RWDD3: variants seen among roughly 807,000 people sequenced by gnomAD.
RWDD3 encodes the protein RWD domain containing 3.
RWDD3 carries 30 observed loss-of-function variants against 26.5 expected under a neutral mutation model. That is an observed-to-expected ratio of 1.13 (90% CI 0.85 to 1.54). The LOEUF (loss-of-function observed/expected upper bound fraction) is 1.54, where lower values mean the gene tolerates loss of function less well. RWDD3 is among the 40% of genes most tolerant of loss of function. The probability of loss-of-function intolerance (pLI) is 0.00; values close to 1 mark genes in which losing one functional copy is unlikely to be tolerated. For missense variants in RWDD3, 296 were observed against 309.1 expected, an observed-to-expected ratio of 0.96 and a Z score of 0.32; for synonymous variants, 113 against 114.5, an observed-to-expected ratio of 0.99 and a Z score of 0.09.
Position 95,244,763 on chromosome 1 carries a change from A to T in RWDD3, c.573+65A>T, listed in dbSNP as rs200549276. 136 of 1,525,754 alleles carry T rather than the reference A, an allele frequency of 8.9e-5. No individual in the cohort carries two copies. In the East Asian group the frequency reaches 3.0e-3, roughly 34 times the overall value. 94.5% of individuals were successfully genotyped at this position (1,525,754 alleles called of 1,614,324 possible). A position where few individuals can be genotyped will look rare whatever the true frequency, so the allele number is the denominator to read the frequency against. On this transcript the variant is annotated intron_variant, in intron 2 of 3. Coordinates refer to ENST00000370202, the MANE Select transcript of RWDD3 (RefSeq NM_015485.5). The stretch of plus-strand genomic sequence containing the variant: ...TTCTGCTTTAAATGGTGTGTCTTTA[A>T]GTGTGTTTTATAACAATGGGATAGA...
chr1:95,234,264 C>T lies in RWDD3; in HGVS notation c.34C>T (p.Leu12=). ...AEPVQEELSV[L]AAIFCRPHEW... The stretch of plus-strand genomic sequence containing the variant: ...GCCTGTGCAGGAGGAGCTCTCGGTC[C>T]TGGCCGCGATTTTCTGCAGGCCCCA... The change falls in exon 1 of 4, where the codon CTG becomes TTG. Residue 12 remains leucine, a synonymous_variant. Transcript: ENST00000370202. 6.3e-7 allele frequency: 1 copy of T among 1,598,496 alleles called. No individual in the cohort carries two copies. The highest frequency in any genetic ancestry group is 8.5e-7 in the Non-Finnish European group (1 of 1,173,072).
Position 95,247,058 on chromosome 1 carries a change from A to G in RWDD3, c.*188A>G. The G allele has an allele frequency of 7.7e-6, 3 of 389,700 alleles. No individual in the cohort carries two copies. Among genetic ancestry groups the G allele is most frequent in the South Asian group, 1.5e-4 (2 of 13,156 alleles). 24.1% of individuals were successfully genotyped at this position (389,700 alleles called of 1,614,324 possible). A position where few individuals can be genotyped will look rare whatever the true frequency, so the allele number is the denominator to read the frequency against. ...AATATTAAACATGAAGAAAACTTGT[A>G]TATTCTAATGTTTGCCAGGAAAGGC... On this transcript the variant is annotated 3_prime_UTR_variant, in exon 4 of 4. Transcript: ENST00000370202.
chr1:95,238,129 G>A (rs948177429), intron 1 of RWDD3, among the ~76,000 whole-genome samples: 11 of 152,212 alleles, frequency 7.2e-5, no homozygotes, highest in Non-Finnish European at 1.0e-4. Context: ...GTCAATGTTC[G>A]TTATATGTGG....
chr1:95,239,993 T>G, intron 1 of RWDD3: 1 of 1,218,574 alleles, frequency 8.2e-7, no homozygotes, highest in South Asian at 1.3e-5. Context: ...GTTTGCAGCA[T>G]AGCATCTTGC....
In RWDD3 at chr1:95,244,709, G is replaced by A. The variant is rs1167032568; in HGVS notation, c.573+11G>A. 2.5e-5 allele frequency: 41 copies of A among 1,608,476 alleles called. No homozygotes were observed. Among genetic ancestry groups the A allele is most frequent in the Non-Finnish European group, 3.2e-5 (38 of 1,177,716 alleles). On this transcript the variant is annotated intron_variant, in intron 2 of 3. Transcript: ENST00000370202. Reference sequence around the variant, plus strand: ...AGAAACAACCTCAAGGTGCCAAAAAGTTAAATGTTGAGTATGAATCTGGCT... The same window carrying A: ...AGAAACAACCTCAAGGTGCCAAAAAATTAAATGTTGAGTATGAATCTGGCT...
At chr1:95,235,351 CTT>C (rs1166711835) in intron 1 of RWDD3, among the ~76,000 whole-genome samples, 70 of 41,346 alleles carry the variant, frequency 1.7e-3, no homozygotes, top group South Asian at 5.8e-3. Flanking sequence ...TGCGCCCGGC[CTT>C]TTTTTTTTTT....
chr1:95,234,670 T>C (rs1416790927), intron 1 of RWDD3, among the ~76,000 whole-genome samples: 1 of 150,892 alleles, frequency 6.6e-6, no homozygotes, highest in Non-Finnish European at 1.5e-5. Context: ...CGTTGTTCTG[T>C]GTCCTTCCTA....
intron 1 of RWDD3, among the ~76,000 whole-genome samples, chr1:95,240,688 A>C (rs189853721): frequency 2.6e-5 from 4 of 152,152 alleles, no homozygotes; most frequent in Middle Eastern, 3.4e-3. Context: ...TCATTCTGGG[A>C]GAGTGGTATT....
chr1:95,236,199 G>A (rs1031702715), intron 1 of RWDD3, among the ~76,000 whole-genome samples: 4 of 152,094 alleles, frequency 2.6e-5, no homozygotes, highest in African/African-American at 4.8e-5. Context: ...GGTGGCACAC[G>A]CCTGTGATCC....
At position 95,244,507 on chromosome 1, in the gene RWDD3, A is replaced by G. The variant is rs761232041; in HGVS notation, c.382A>G (p.Thr128Ala). 1.2e-6 allele frequency: 2 copies of G among 1,614,120 alleles called. No individual in the cohort carries two copies. The highest frequency in any genetic ancestry group is 2.2e-5 in the South Asian group (2 of 91,086). Residue 128 changes from threonine to alanine, a missense_variant, in exon 2 of 4, where the codon ACT becomes GCT. By Grantham distance (58) the Thr-to-Ala change is moderately conservative. Coordinates refer to ENST00000370202, the MANE Select transcript of RWDD3 (RefSeq NM_015485.5). ...PETGSGSEKC[T>A]FSTSTTMDDG... ...AACTGGCAGTGGCAGTGAAAAGTGT[A>G]CTTTTTCAACAAGCACGACCATGGA...
At chr1:95,234,363 G>A (rs1680188307) in intron 1 of RWDD3, 48 bp downstream of exon 1, 3 of 1,530,756 alleles carry the variant, frequency 2.0e-6, no homozygotes, top group Non-Finnish European at 1.8e-6. Context: ...GGGGCCACCC[G>A]CGTTCGCTTT....
rs1318574775 is a variant in RWDD3 at position 95,245,352 on chromosome 1, G to T, written c.573+654G>T. On this transcript the variant is annotated intron_variant, in intron 2 of 3. Transcript: ENST00000370202. ...AACTCATCTGACCTGTTTTAGGTGG[G>T]ACAAGATGAGGAAAACTGTTTTTTA... Among the ~76,000 whole-genome samples, 5 of 152,102 alleles carry T rather than the reference G, an allele frequency of 3.3e-5. No homozygotes were observed. In the East Asian group the frequency reaches 9.6e-4, roughly 29 times the overall value.
intron 1 of RWDD3, among the ~76,000 whole-genome samples, chr1:95,238,052 G>T (rs527597814): frequency 1.3e-5 from 2 of 152,158 alleles, no homozygotes; most frequent in African/African-American, 2.4e-5. Flanking sequence ...TATGAGAGGC[G>T]TGAGATTGGT....
intron 1 of RWDD3, 71 bp from the exon 2 acceptor site, chr1:95,244,140 G>C: frequency 5.9e-6 from 9 of 1,532,062 alleles, no homozygotes; most frequent in Non-Finnish European, 7.9e-6. Context: ...TGAGACAAAA[G>C]TTTGAACTTG....
At chr1:95,234,696 GC>G (rs538071433) in intron 1 of RWDD3, among the ~76,000 whole-genome samples, 85 of 151,330 alleles carry the variant, frequency 5.6e-4, no homozygotes, top group African/African-American at 1.8e-3. Context: ...TATGCCCTAG[GC>G]CCCCCCGAGA....
chr1:95,242,823 G>A (rs890554804), intron 1 of RWDD3, among the ~76,000 whole-genome samples: 1 of 152,054 alleles, frequency 6.6e-6, no homozygotes, highest in African/African-American at 2.4e-5. Flanking sequence ...GGAGGCTGAG[G>A]CAGGAGAATT....
intron 1 of RWDD3, chr1:95,240,039 ATC>A (rs1680546463): frequency 2.5e-6 from 2 of 810,890 alleles, no homozygotes; most frequent in African/African-American, 1.8e-5. Context: ...TTGTAGTAAA[ATC>A]TCTGTCTCCT....
intron 1 of RWDD3, 46 bp downstream of exon 1, chr1:95,234,361 C>A (rs1184799956): frequency 1.3e-6 from 2 of 1,533,808 alleles, no homozygotes. Context: ...CAGGGGCCAC[C>A]CGCGTTCGCT....
intron 1 of RWDD3, among the ~76,000 whole-genome samples, chr1:95,236,355 A>G (rs1266625448): frequency 1.3e-5 from 2 of 150,784 alleles, no homozygotes; most frequent in Non-Finnish European, 3.0e-5. Flanking sequence ...AAAGTAGTCT[A>G]AAAATGGGCT....
Sources: allele counts gnomAD v4.1 joint callset (sites outside exome capture counted in the v4.1 genomes callset), GRCh38; gene constraint gnomAD v4.1.1; transcripts MANE v1.5; gene names NCBI Gene and HGNC (gene_info 2026-07-23, HGNC 2026-07-21).